SLC25A18: variants seen among roughly 807,000 people sequenced by gnomAD.
SLC25A18 encodes the protein mitochondrial glutamate carrier 2.
A neutral mutation model predicts 31.1 loss-of-function variants in SLC25A18; 24 were observed. That is an observed-to-expected ratio of 0.77 (90% CI 0.56 to 1.08). SLC25A18 has a LOEUF of 1.08. Among genes scored for constraint, SLC25A18 ranks in the 50% least tolerant of loss-of-function variants. The pLI is 0.00. For synonymous variants in SLC25A18, 173 were observed against 161.9 expected, an observed-to-expected ratio of 1.07 and a Z score of -0.52; for missense variants, 371 against 418.5, an observed-to-expected ratio of 0.89 and a Z score of 0.99.
intron 1 of SLC25A18, among the ~76,000 whole-genome samples, chr22:17,566,969 T>A (rs174366): frequency 0.4 from 60,332 of 151,954 alleles, 12,455 homozygotes; most frequent in African/African-American, 0.51. Flanking sequence ...TACACCTGCC[T>A]AGGGCAACAT....
rs1261506605 is a variant in SLC25A18 at position 17,589,665 on chromosome 22, G to A, written c.806G>A (p.Arg269Lys). 1.4e-5 allele frequency: 22 copies of A among 1,614,110 alleles called. No individual in the cohort carries two copies. The highest frequency in any genetic ancestry group is 1.5e-5 in the Non-Finnish European group (18 of 1,179,966). ...TACAGTGGGATCACCGACTGTGCCA[G>A]GTGAGAGCCAGTGTCCCCTCAAATG... ...DMYSGITDCA[R>K]KLWIQEGPSA... is the part of the protein sequence containing the mutation. Residue 269 changes from arginine to lysine, a missense_variant and splice_region_variant, in exon 10 of 11, where the codon AGG becomes AAG. By Grantham distance (26) the Arg-to-Lys change is conservative (BLOSUM62 2). Coordinates refer to ENST00000327451, the MANE Select transcript of SLC25A18 (RefSeq NM_031481.3).
intron 8 of SLC25A18, 182 bp from the exon 9 acceptor site, chr22:17,587,743 G>A (rs2057592613): frequency 2.6e-5 from 18 of 684,400 alleles, no homozygotes; most frequent in Non-Finnish European, 4.1e-5. Context: ...CGGAACAGAT[G>A]GCAACAGCTC....
intron 7 of SLC25A18, chr22:17,583,991 C>A: frequency 1.1e-6 from 1 of 895,936 alleles, no homozygotes; most frequent in Non-Finnish European, 1.3e-6. Flanking sequence ...ATCAATGCTG[C>A]CAGCTCTAGA....
Position 17,580,114 on chromosome 22 carries a change from A to C in SLC25A18, c.20+150A>C, listed in dbSNP as rs1405783658. On this transcript the variant is annotated intron_variant, in intron 3 of 10. Transcript: ENST00000327451. ...CCCATATAACATATACACTACATCTACTGTGGCAAATACGTACACACAAGC... is the reference window on the plus strand; with the variant it reads ...CCCATATAACATATACACTACATCTCCTGTGGCAAATACGTACACACAAGC... The C allele has an allele frequency of 7.8e-6, 5 of 640,648 alleles. No homozygotes were observed. The African/African-American group carries it at 9.1e-5, about 12-fold the overall frequency. The allele number at this position is 640,648 out of a possible 1,614,324, so 39.7% of individuals were successfully genotyped here. A position where few individuals can be genotyped will look rare whatever the true frequency, so the allele number is the denominator to read the frequency against.
rs1459320631 is a variant in SLC25A18 at position 17,579,742 on chromosome 22, C to G, written c.-200-3C>G. On this transcript the variant is annotated splice_region_variant and splice_polypyrimidine_tract_variant and intron_variant, in intron 2 of 10. Coordinates refer to ENST00000327451, the MANE Select transcript of SLC25A18 (RefSeq NM_031481.3). ...GGTGAGTGTTTCTCTGACTACTTTG[C>G]AGGGGAGGAAGCCGCAGCCCAAGGA... The G allele has an allele frequency of 1.4e-6, 2 of 1,386,926 alleles. No individual in the cohort carries two copies. The highest frequency in any genetic ancestry group is 1.5e-5 in the African/African-American group (1 of 68,488). 85.9% of individuals were successfully genotyped at this position (1,386,926 alleles called of 1,614,324 possible). A position where few individuals can be genotyped will look rare whatever the true frequency, so the allele number is the denominator to read the frequency against.
chr22:17,586,716 T>C (rs976585096), intron 7 of SLC25A18, among the ~76,000 whole-genome samples: 2 of 151,630 alleles, frequency 1.3e-5, no homozygotes, highest in Middle Eastern at 3.4e-3. Context: ...GAGGCAGAGG[T>C]TGCAGTGAGC....
chr22:17,580,966 C>A lies in SLC25A18; in HGVS notation c.21-71C>A. 4 of 1,487,512 alleles carry A rather than the reference C, an allele frequency of 2.7e-6. No homozygotes were observed. The South Asian group carries it at 5.4e-5, about 20-fold the overall frequency. 92.1% of individuals were successfully genotyped at this position (1,487,512 alleles called of 1,614,324 possible). A position where few individuals can be genotyped will look rare whatever the true frequency, so the allele number is the denominator to read the frequency against. On this transcript the variant is annotated intron_variant, in intron 3 of 10. Transcript: ENST00000327451. ...CCACTGTCTGTGCCCCTGCCCATTCCTGGCTGCATCCGCTCCCTAACCTGC... is the reference window on the plus strand; with the variant it reads ...CCACTGTCTGTGCCCCTGCCCATTCATGGCTGCATCCGCTCCCTAACCTGC...
intron 7 of SLC25A18, 113 bp downstream of exon 7, chr22:17,583,647 C>A (rs1256360252): frequency 1.7e-5 from 24 of 1,431,886 alleles, no homozygotes; most frequent in Non-Finnish European, 2.1e-5. Context: ...ACTTTCCAAG[C>A]AGGTAGAAGT....
rs181494674 is a variant in SLC25A18, at chr22:17,580,060, A to C, written c.20+96A>C. 9 of 1,260,910 alleles carry C rather than the reference A, an allele frequency of 7.1e-6. No homozygotes were observed. The East Asian group carries it at 2.0e-4, about 28-fold the overall frequency. 78.1% of individuals were successfully genotyped at this position (1,260,910 alleles called of 1,614,324 possible). A position where few individuals can be genotyped will look rare whatever the true frequency, so the allele number is the denominator to read the frequency against. ...ATCCAGGTTTCTGAAGAACAAGCTGAGTCCTAGGGAAGAGCAAGACCCCTG... is the reference window on the plus strand; with the variant it reads ...ATCCAGGTTTCTGAAGAACAAGCTGCGTCCTAGGGAAGAGCAAGACCCCTG... On this transcript the variant is annotated intron_variant, in intron 3 of 10. Coordinates refer to ENST00000327451, the MANE Select transcript of SLC25A18 (RefSeq NM_031481.3).
chr22:17,579,780 C>A lies in SLC25A18; in HGVS notation c.-165C>A. Reference sequence around the variant, plus strand: ...CGCAGCCCAAGGAGGTCGTCACTTGCCGGGAAGGTGGCTCGGGCCAGGCTG... The same window carrying A: ...CGCAGCCCAAGGAGGTCGTCACTTGACGGGAAGGTGGCTCGGGCCAGGCTG... On this transcript the variant is annotated 5_prime_UTR_variant, in exon 3 of 11. An upstream open reading frame in the 5' UTR gains an earlier in-frame stop. Transcript: ENST00000327451. 7.1e-7 allele frequency: 1 copy of A among 1,407,976 alleles called. No individual in the cohort carries two copies. The highest frequency in any genetic ancestry group is 1.4e-5 in the African/African-American group (1 of 69,102). The allele number at this position is 1,407,976 out of a possible 1,614,324, so 87.2% of individuals were successfully genotyped here.
At chr22:17,569,461 G>A (rs1214703536) in intron 1 of SLC25A18, 2 of 285,354 alleles carry the variant, frequency 7.0e-6, no homozygotes, top group African/African-American at 4.6e-5. Context: ...ATGCCTCCCA[G>A]GATCATTGAA....
At chr22:17,572,786 C>A (rs542661213) in intron 2 of SLC25A18, among the ~76,000 whole-genome samples, 1 of 146,110 alleles carries the variant, frequency 6.8e-6, no homozygotes, top group Non-Finnish European at 1.5e-5. Flanking sequence ...GGACTACAGG[C>A]GCCCGCCACC....
intron 7 of SLC25A18, among the ~76,000 whole-genome samples, chr22:17,584,592 C>T (rs2057485263): frequency 6.7e-6 from 1 of 150,110 alleles, no homozygotes; most frequent in South Asian, 2.1e-4. Context: ...CCAGCCTGGC[C>T]AACACAGTGA....
rs59825354 is a variant in SLC25A18, at chr22:17,568,157, G to T, written c.-263-1767G>T. Among the ~76,000 whole-genome samples the T allele has an allele frequency of 9.2e-3, 1,401 of 152,112 alleles. 24 individuals are homozygous for T. Among genetic ancestry groups the T allele is most frequent in the African/African-American group, 0.032 (1,320 of 41,486 alleles). On this transcript the variant is annotated intron_variant, in intron 1 of 10. Transcript: ENST00000327451. The stretch of plus-strand genomic sequence containing the variant: ...AGGCGGGCGGATCACGAGGTCAGGA[G>T]ATCAAGACCATCCTGGCTAACATGG...
rs549766403 is a variant in SLC25A18 at position 17,571,788 on chromosome 22, G to A, written c.-201+1802G>A. On this transcript the variant is annotated intron_variant, in intron 2 of 10. Coordinates refer to ENST00000327451, the MANE Select transcript of SLC25A18 (RefSeq NM_031481.3). ...AAAAAAAAAAAAGTCTGGGCCCAAG[G>A]CAGACGGATCAGTTGAGGTGAGGAG... Among the ~76,000 whole-genome samples the A allele has an allele frequency of 1.8e-4, 28 of 151,392 alleles. 1 individual carries two copies. Among genetic ancestry groups the A allele is most frequent in the African/African-American group, 6.1e-4 (25 of 41,254 alleles).
intron 1 of SLC25A18, among the ~76,000 whole-genome samples, chr22:17,569,442 G>T (rs1203785089): frequency 6.6e-6 from 1 of 152,212 alleles, no homozygotes; most frequent in African/African-American, 2.4e-5. Context: ...ATGTGTTCCT[G>T]CAGGGAGGAT....
At chr22:17,577,268 C>T (rs941706976) in intron 2 of SLC25A18, among the ~76,000 whole-genome samples, 1 of 151,986 alleles carries the variant, frequency 6.6e-6, no homozygotes, top group Non-Finnish European at 1.5e-5. Context: ...GTGATCCGCC[C>T]GCCTCAGCCT....
intron 1 of SLC25A18, among the ~76,000 whole-genome samples, chr22:17,568,191 C>T (rs530314570): frequency 1.3e-5 from 2 of 151,806 alleles, no homozygotes; most frequent in South Asian, 2.1e-4. Flanking sequence ...GGTGAAACCC[C>T]GTCTCTACTA....
chr22:17,570,761 C>T (rs1419860406), intron 2 of SLC25A18, among the ~76,000 whole-genome samples: 2 of 152,350 alleles, frequency 1.3e-5, no homozygotes, highest in East Asian at 1.9e-4. Context: ...GCTAGGATTA[C>T]AGGCGTGAGC....
Sources: allele counts gnomAD v4.1 joint callset (sites outside exome capture counted in the v4.1 genomes callset), GRCh38; gene constraint gnomAD v4.1.1; transcripts MANE v1.5; gene names NCBI Gene and HGNC (gene_info 2026-07-23, HGNC 2026-07-21).